CFAP46: variants seen among roughly 807,000 people sequenced by gnomAD.
The protein encoded by CFAP46 is cilia- and flagella-associated protein 46.
In CFAP46, 245 loss-of-function variants were observed where a neutral mutation model predicts 325.7. That is an observed-to-expected ratio of 0.75 (90% CI 0.68 to 0.84). The LOEUF (loss-of-function observed/expected upper bound fraction) is 0.84, where lower values mean the gene tolerates loss of function less well. Among genes scored for constraint, CFAP46 ranks in the 40% least tolerant of loss-of-function variants. CFAP46 has a pLI of 0.00. For synonymous variants in CFAP46, 1,523 were observed against 1,495.9 expected, an observed-to-expected ratio of 1.02 and a Z score of -0.42; for missense variants, 3,346 against 3,543.0, an observed-to-expected ratio of 0.94 and a Z score of 1.41.
chr10:132,893,867 C>T (rs1849286285), intron 24 of CFAP46, among the ~76,000 whole-genome samples: 1 of 152,130 alleles, frequency 6.6e-6, no homozygotes, highest in Admixed American at 6.6e-5. Context: ...GAGGTTGCTG[C>T]AGCCCCCTGT....
intron 11 of CFAP46, among the ~76,000 whole-genome samples, chr10:132,923,687 C>T (rs984644189): frequency 1.3e-5 from 2 of 152,164 alleles, no homozygotes; most frequent in Admixed American, 6.5e-5. Flanking sequence ...ACAGCTGAGC[C>T]GGGATCCAGG....
intron 44 of CFAP46, among the ~76,000 whole-genome samples, chr10:132,838,710 A>T (rs985820152): frequency 1.3e-5 from 2 of 152,200 alleles, no homozygotes; most frequent in African/African-American, 4.8e-5. Context: ...CTCTCTGGGG[A>T]CCCCAGCGAA....
intron 8 of CFAP46, among the ~76,000 whole-genome samples, chr10:132,932,805 G>A (rs143662643): frequency 1.7e-4 from 26 of 152,358 alleles, no homozygotes; most frequent in Middle Eastern, 6.8e-3. Context: ...AGAGCACAGC[G>A]GGTGCTCTCA....
At chr10:132,921,449 G>A (rs973459107) in intron 13 of CFAP46, among the ~76,000 whole-genome samples, 8 of 152,328 alleles carry the variant, frequency 5.3e-5, no homozygotes, top group Non-Finnish European at 1.0e-4. Flanking sequence ...GTACGGCCCC[G>A]TGTCCCATTA....
At position 132,834,051 on chromosome 10, in the gene CFAP46, T is replaced by C. The variant is rs370136450; in HGVS notation, c.6939A>G (p.Thr2313=). 227 of 1,613,896 alleles carry C rather than the reference T, an allele frequency of 1.4e-4. No homozygotes were observed. The highest frequency in any genetic ancestry group is 1.8e-4 in the Non-Finnish European group (212 of 1,179,918). ...GCCCGCCCCACTCACTGTGTTGTCC[T>C]GTGGACGTTTTCCTCTCCTTGTCTT... ...KGKDKERKTS[T]GQHSTVQPEV... Residue 2313 remains threonine (T), a synonymous_variant, in exon 49 of 58, where the codon ACA becomes ACG. Transcript: ENST00000368586.
At chr10:132,855,925 C>T (rs567488326) in intron 39 of CFAP46, among the ~76,000 whole-genome samples, 2 of 152,304 alleles carry the variant, frequency 1.3e-5, no homozygotes, top group Admixed American at 6.5e-5. Flanking sequence ...GTGTTCGAGG[C>T]TCTCCATGCA....
intron 27 of CFAP46, among the ~76,000 whole-genome samples, chr10:132,882,370 G>A (rs1344521672): frequency 6.6e-6 from 1 of 151,868 alleles, no homozygotes; most frequent in Non-Finnish European, 1.5e-5. Context: ...CGTGGGGTGT[G>A]TCTTGGTCAC....
chr10:132,808,908 T>C lies in CFAP46; in HGVS notation c.7665-4A>G, dbSNP rs776888495. The C allele has an allele frequency of 1.3e-6, 2 of 1,571,394 alleles. No individual in the cohort carries two copies. The highest frequency in any genetic ancestry group is 1.7e-6 in the Non-Finnish European group (2 of 1,153,572). On this transcript the variant is annotated splice_polypyrimidine_tract_variant and splice_region_variant and intron_variant, in intron 57 of 57. Coordinates refer to ENST00000368586, the MANE Select transcript of CFAP46 (RefSeq NM_001200049.3). This position sits in a 1 kb window ranked among gnomAD's most constrained non-coding sequence, Gnocchi z 6.8. The stretch of plus-strand genomic sequence containing the variant: ...TTCAAGGTCTGAGAAGCCTCGTCTG[T>C]GGAGAAAGGGGCGGGAGCTATGAAC...
chr10:132,866,319 G>C, intron 34 of CFAP46, 148 bp from the exon 35 acceptor site: 3 of 823,364 alleles, frequency 3.6e-6, no homozygotes, highest in Non-Finnish European at 5.1e-6. Flanking sequence ...CACCATGGGC[G>C]CCTCGCAAGC....
intron 9 of CFAP46, among the ~76,000 whole-genome samples, chr10:132,927,385 G>T (rs1404016582): frequency 6.6e-6 from 1 of 150,986 alleles, no homozygotes; most frequent in Non-Finnish European, 1.5e-5. Context: ...CGGGGAGCAG[G>T]TCCTCGGCGG....
Position 132,847,998 on chromosome 10 carries a change from C to G in CFAP46, c.5953-677G>C, listed in dbSNP as rs117657228. 6.6e-6 allele frequency among the ~76,000 whole-genome samples: 1 copy of G among 152,122 alleles called. No individual in the cohort carries two copies. Among genetic ancestry groups the G allele is most frequent in the South Asian group, 2.1e-4 (1 of 4,816 alleles). On this transcript the variant is annotated intron_variant, in intron 41 of 57. Transcript: ENST00000368586. The surrounding 1 kb of genome is among the most constrained non-coding windows in gnomAD (Gnocchi z 5.2). ...GGCAGCCGTGGCCACCTGACACGCA[C>G]GGCTGCCTGACATGCACGGAGCCTG... is the stretch of plus-strand genomic sequence containing the variant.
Position 132,830,267 on chromosome 10 carries a change from C to A in CFAP46, c.7117+3091G>T, listed in dbSNP as rs149289810. Among the ~76,000 whole-genome samples, 1,243 of 152,230 alleles carry A rather than the reference C, an allele frequency of 8.2e-3. 13 individuals are homozygous for A. Among genetic ancestry groups the A allele is most frequent in the Non-Finnish European group, 8.6e-3 (583 of 68,020 alleles). On this transcript the variant is annotated intron_variant, in intron 50 of 57. Coordinates refer to ENST00000368586, the MANE Select transcript of CFAP46 (RefSeq NM_001200049.3). ...CAAGCAATTCTCCTGTCTTAGCCTCCTGAGTAGCTGGGATTACAGGCACAT... is the reference window on the plus strand; with the variant it reads ...CAAGCAATTCTCCTGTCTTAGCCTCATGAGTAGCTGGGATTACAGGCACAT...
chr10:132,816,229 C>T (rs1435768206), intron 50 of CFAP46, among the ~76,000 whole-genome samples: 2 of 151,338 alleles, frequency 1.3e-5, no homozygotes, highest in Non-Finnish European at 2.9e-5. Context: ...CTGGCGTTCT[C>T]GGTTGCTCTT....
intron 50 of CFAP46, among the ~76,000 whole-genome samples, chr10:132,825,137 TGTG>T (rs146155483): frequency 0.058 from 8,445 of 144,688 alleles, 748 homozygotes; most frequent in African/African-American, 0.18. Flanking sequence ...GTGCTGTGTG[TGTG>T]GTGATGTGTG....
intron 25 of CFAP46, among the ~76,000 whole-genome samples, chr10:132,892,085 T>C (rs1480031175): frequency 1.3e-5 from 2 of 152,180 alleles, no homozygotes; most frequent in African/African-American, 4.8e-5. Flanking sequence ...TTTGACTGTT[T>C]TCATGGACAG....
At chr10:132,885,774 CTCA>C (rs1849118016) in intron 26 of CFAP46, 44 bp downstream of exon 26, 1 of 1,410,618 alleles carries the variant, frequency 7.1e-7, no homozygotes, top group African/African-American at 2.9e-5. Flanking sequence ...GGGGGGAGCA[CTCA>C]GGCGGTGGAG....
chr10:132,846,024 G>T (rs1299560019), intron 44 of CFAP46, 33 bp downstream of exon 44: 45 of 1,585,536 alleles, frequency 2.8e-5, no homozygotes, highest in Non-Finnish European at 3.4e-5. Context: ...TCCAGAGCTG[G>T]GGGCAGGTTC....
intron 47 of CFAP46, 77 bp from the exon 48 acceptor site, chr10:132,834,852 A>G: frequency 6.6e-7 from 1 of 1,509,478 alleles, no homozygotes. Context: ...AGGCCCCTGC[A>G]GAAAGGCCGA....
chr10:132,881,071 G>A lies in CFAP46; in HGVS notation c.3628-39C>T, dbSNP rs560212598. 17 of 1,528,708 alleles carry A rather than the reference G, an allele frequency of 1.1e-5. No individual in the cohort carries two copies. In the East Asian group the frequency reaches 3.9e-4, roughly 35 times the overall value. The allele number at this position is 1,528,708 out of a possible 1,614,324, so 94.7% of individuals were successfully genotyped here. ...CAGGAAGGGTGACATCCTCAGGATG[G>A]CCCTGAAGGCGTTCCTGACGCAGTG... On this transcript the variant is annotated intron_variant, in intron 27 of 57. Coordinates refer to ENST00000368586, the MANE Select transcript of CFAP46 (RefSeq NM_001200049.3).
Sources: allele counts gnomAD v4.1 joint callset (sites outside exome capture counted in the v4.1 genomes callset), GRCh38; gene constraint gnomAD v4.1.1; non-coding constraint Gnocchi (gnomAD v3.1); transcripts MANE v1.5; gene names NCBI Gene and HGNC (gene_info 2026-07-23, HGNC 2026-07-21).